Variants in TRHDE observed in about 807,000 individuals in gnomAD.
TRHDE encodes the protein thyrotropin releasing hormone degrading enzyme.
A neutral mutation model predicts 125.7 loss-of-function variants in TRHDE; 72 were observed. That is an observed-to-expected ratio of 0.57 (90% CI 0.47 to 0.70). The LOEUF is 0.70. Among genes scored for constraint, TRHDE ranks in the 30% least tolerant of loss-of-function variants. TRHDE has a pLI of 0.00. For synonymous variants in TRHDE, 509 were observed against 509.1 expected (o/e 1.00, Z 0.00); for missense variants, 1,110 against 1,327.1 (o/e 0.84, Z 2.54).
At chr12:72,624,899 G>A (rs146917068) in intron 15 of TRHDE, among the ~76,000 whole-genome samples, 2 of 151,666 alleles carry the variant, frequency 1.3e-5, no homozygotes, top group African/African-American at 4.8e-5. Flanking sequence ...CATGAGCTGT[G>A]AGAGGAGCTT....
intron 2 of TRHDE, chr12:72,255,156 C>A (rs1430034982): frequency 6.6e-6 from 1 of 152,224 alleles, no homozygotes; most frequent in East Asian, 1.9e-4. Context: ...CCCCTCAAAT[C>A]TGTCCCTCCG....
intron 15 of TRHDE, among the ~76,000 whole-genome samples, chr12:72,639,868 C>G (rs1011756088): frequency 8.5e-5 from 13 of 152,186 alleles, no homozygotes; most frequent in Admixed American, 5.2e-4. Context: ...GTTCTCAGAT[C>G]TCCAGCTGCG....
At chr12:72,233,328 A>C (rs1014105413) in intron 2 of TRHDE, among the ~76,000 whole-genome samples, 1 of 152,030 alleles carries the variant, frequency 6.6e-6, no homozygotes, top group Non-Finnish European at 1.5e-5. Context: ...ATTGTAGGCA[A>C]CTCTGCCCTT....
At chr12:72,377,632 A>C (rs191433892) in intron 2 of TRHDE, among the ~76,000 whole-genome samples, 1 of 152,272 alleles carries the variant, frequency 6.6e-6, no homozygotes, top group East Asian at 1.9e-4. Context: ...CCAAGCCACC[A>C]TATCCTGCCT....
intron 3 of TRHDE, among the ~76,000 whole-genome samples, chr12:72,416,887 GGA>G (rs1360909549): frequency 1.3e-5 from 2 of 151,904 alleles, no homozygotes; most frequent in African/African-American, 4.8e-5. Flanking sequence ...ATAAATTTTA[GGA>G]CTACTTTTCT....
At chr12:72,202,411 C>T (rs527450315) in intron 2 of TRHDE, among the ~76,000 whole-genome samples, 2 of 152,278 alleles carry the variant, frequency 1.3e-5, no homozygotes, top group African/African-American at 2.4e-5. Flanking sequence ...CTCAAAAATA[C>T]TTTTCTAAAT....
At chr12:72,219,132 G>A (rs1877952942) in intron 2 of TRHDE, among the ~76,000 whole-genome samples, 1 of 151,442 alleles carries the variant, frequency 6.6e-6, no homozygotes, top group Admixed American at 6.6e-5. Context: ...AGTAATAGTA[G>A]ATGGCAATTA....
At chr12:72,276,066 A>G (rs938228681) in intron 1 of TRHDE, among the ~76,000 whole-genome samples, 3 of 152,122 alleles carry the variant, frequency 2.0e-5, no homozygotes, top group Non-Finnish European at 2.9e-5. Context: ...CTAATAAACC[A>G]TTTCATAGTT....
At chr12:72,354,073 G>A (rs966301415) in intron 2 of TRHDE, among the ~76,000 whole-genome samples, 2 of 151,516 alleles carry the variant, frequency 1.3e-5, no homozygotes, top group African/African-American at 4.8e-5. Context: ...ATATTCATAG[G>A]ATGGTATACT....
chr12:72,310,405 A>G (rs79369144), intron 2 of TRHDE, among the ~76,000 whole-genome samples: 2 of 152,362 alleles, frequency 1.3e-5, no homozygotes, highest in Non-Finnish European at 2.9e-5. Flanking sequence ...CTTTTCACTT[A>G]CTTAAAAATC....
At chr12:72,381,751 G>C (rs192236753) in intron 3 of TRHDE, among the ~76,000 whole-genome samples, 6 of 152,318 alleles carry the variant, frequency 3.9e-5, no homozygotes, top group Admixed American at 3.9e-4. Flanking sequence ...GAGGCATCTA[G>C]GGCAATTCCA....
chr12:72,166,423 T>G lies in TRHDE; in HGVS notation n.279+60671T>G, dbSNP rs1288191823. ...TACAATTACCAGCAGAATTCACACA[T>G]GCCATACTCTCTGTGGTAACTAACA... On this transcript the variant is annotated intron_variant and non_coding_transcript_variant, in intron 2 of 4. Transcript: ENST00000548156. 2.0e-5 allele frequency among the ~76,000 whole-genome samples: 3 copies of G among 152,238 alleles called. No individual in the cohort carries two copies. The East Asian group carries it at 5.8e-4, about 29-fold the overall frequency.
intron 12 of TRHDE, among the ~76,000 whole-genome samples, chr12:72,597,010 A>C (rs1040764848): frequency 2.0e-5 from 3 of 152,222 alleles, no homozygotes; most frequent in African/African-American, 7.2e-5. Flanking sequence ...GGCTATACCT[A>C]GTTAGAGTGA....
intron 10 of TRHDE, among the ~76,000 whole-genome samples, chr12:72,573,737 A>G (rs1870855585): frequency 6.6e-6 from 1 of 151,998 alleles, no homozygotes; most frequent in Non-Finnish European, 1.5e-5. Flanking sequence ...AGAATGTGAA[A>G]AATGTATATC....
At chr12:72,610,475 C>T (rs930763751) in intron 12 of TRHDE, among the ~76,000 whole-genome samples, 2 of 152,180 alleles carry the variant, frequency 1.3e-5, no homozygotes, top group African/African-American at 4.8e-5. Flanking sequence ...CCAGAGTCAC[C>T]CTTTTAAAGC....
intron 2 of TRHDE, among the ~76,000 whole-genome samples, chr12:72,170,065 A>G (rs1174802071): frequency 6.6e-6 from 1 of 152,198 alleles, no homozygotes; most frequent in Non-Finnish European, 1.5e-5. Flanking sequence ...TGGAAGCAGG[A>G]GCTAGTCGAC....
chr12:72,640,324 G>T (rs919914842), intron 15 of TRHDE, among the ~76,000 whole-genome samples: 12 of 152,220 alleles, frequency 7.9e-5, no homozygotes, highest in Non-Finnish European at 1.8e-4. Flanking sequence ...CTGACCCCCT[G>T]CGCTTCCCGA....
chr12:72,343,776 T>C (rs899942552), intron 2 of TRHDE, among the ~76,000 whole-genome samples: 1 of 152,126 alleles, frequency 6.6e-6, no homozygotes, highest in African/African-American at 2.4e-5. Flanking sequence ...AAGGAAGGGT[T>C]GAACTTCCTA....
At chr12:72,239,484 T>TAATA (rs1318894424) in intron 2 of TRHDE, among the ~76,000 whole-genome samples, 1 of 152,202 alleles carries the variant, frequency 6.6e-6, no homozygotes, top group Non-Finnish European at 1.5e-5. Context: ...TGAATGGTAT[T>TAATA]GCCCAGGTTT....
Sources: gnomAD v4.1 joint callset for allele counts (sites outside exome capture counted in the v4.1 genomes callset) on GRCh38, gnomAD v4.1.1 for gene constraint, MANE v1.5 for transcripts, NCBI Gene and HGNC (gene_info 2026-07-23, HGNC 2026-07-21) for gene names.